ADAMTS6: variants seen among roughly 807,000 people sequenced by gnomAD.
The protein encoded by ADAMTS6 is ADAM metallopeptidase with thrombospondin type 1 motif 6, also known as A disintegrin and metalloproteinase with thrombospondin motifs 6.
Under a neutral mutation model 144.3 loss-of-function variants are expected in ADAMTS6, and 23 were observed. The ratio of observed to expected loss-of-function variants is 0.16; its 90% CI spans 0.11 to 0.23. ADAMTS6 has a LOEUF of 0.23. ADAMTS6 is among the 10% of genes least tolerant of loss of function. ADAMTS6 has a pLI of 1.00. For missense variants in ADAMTS6, 999 were observed against 1,379.6 expected (o/e 0.72, Z 4.37); for synonymous variants, 444 against 457.5 (o/e 0.97, Z 0.38).
At chr5:65,316,425 C>T (rs1316833747) in intron 9 of ADAMTS6, among the ~76,000 whole-genome samples, 1 of 151,740 alleles carries the variant, frequency 6.6e-6, no homozygotes, top group Non-Finnish European at 1.5e-5. Flanking sequence ...GAAAATGGAA[C>T]CAAAACAAAT....
intron 7 of ADAMTS6, among the ~76,000 whole-genome samples, chr5:65,403,102 C>T (rs1341281590): frequency 1.3e-5 from 2 of 152,102 alleles, no homozygotes; most frequent in Admixed American, 6.6e-5. Flanking sequence ...CTCAAACTAT[C>T]ACAGTCATCT....
At chr5:65,240,091 A>C (rs1375170368) in intron 15 of ADAMTS6, among the ~76,000 whole-genome samples, 1 of 152,222 alleles carries the variant, frequency 6.6e-6, no homozygotes, top group Non-Finnish European at 1.5e-5. Context: ...TAAAAACTAG[A>C]AACAACCCAG....
At chr5:65,285,569 C>T (rs1763296525) in intron 11 of ADAMTS6, among the ~76,000 whole-genome samples, 1 of 152,130 alleles carries the variant, frequency 6.6e-6, no homozygotes, top group Admixed American at 6.6e-5. Flanking sequence ...GAGCCAGGCA[C>T]TGTTCTAGCC....
chr5:65,447,627 C>A (rs1403144013), intron 7 of ADAMTS6, among the ~76,000 whole-genome samples: 2 of 151,978 alleles, frequency 1.3e-5, no homozygotes, highest in Non-Finnish European at 2.9e-5. Context: ...TTAATCATTT[C>A]TTGACATAGG....
intron 20 of ADAMTS6, among the ~76,000 whole-genome samples, chr5:65,201,392 C>T (rs975423987): frequency 6.6e-6 from 1 of 152,070 alleles, no homozygotes; most frequent in Admixed American, 6.6e-5. Context: ...TAGTATTTGG[C>T]AATATATTGC....
intron 3 of ADAMTS6, among the ~76,000 whole-genome samples, chr5:65,461,248 A>G (rs1224679017): frequency 2.0e-5 from 3 of 152,184 alleles, no homozygotes; most frequent in Non-Finnish European, 4.4e-5. Context: ...CTTATTTTCA[A>G]TTAATCCCAC....
intron 7 of ADAMTS6, among the ~76,000 whole-genome samples, chr5:65,404,846 G>A (rs1754298450): frequency 2.0e-5 from 3 of 152,176 alleles, no homozygotes; most frequent in Non-Finnish European, 4.4e-5. Context: ...TCTAACTGGT[G>A]TGAGATGGTA....
intron 24 of ADAMTS6, among the ~76,000 whole-genome samples, chr5:65,170,276 C>T (rs1753533846): frequency 1.3e-5 from 2 of 152,158 alleles, no homozygotes; most frequent in Non-Finnish European, 2.9e-5. Context: ...CAGAAGTTTG[C>T]ACTTCAAGAG....
chr5:65,318,923 T>A (rs975383001), intron 9 of ADAMTS6, among the ~76,000 whole-genome samples: 2 of 152,192 alleles, frequency 1.3e-5, no homozygotes, highest in South Asian at 4.1e-4. Flanking sequence ...GCTTGAGGGG[T>A]TGGATACCAA....
chr5:65,218,338 A>G (rs1048822136), intron 18 of ADAMTS6, among the ~76,000 whole-genome samples: 14 of 152,022 alleles, frequency 9.2e-5, no homozygotes, highest in African/African-American at 2.7e-4. Context: ...AAAAGGATCA[A>G]GCAGATCTAC....
intron 7 of ADAMTS6, among the ~76,000 whole-genome samples, chr5:65,443,777 A>G (rs1330527051): frequency 6.8e-6 from 1 of 147,672 alleles, no homozygotes; most frequent in Non-Finnish European, 1.5e-5. Flanking sequence ...TCCTGATTTA[A>G]AAAAAAAAAA....
chr5:65,294,833 C>G (rs188679415), intron 10 of ADAMTS6, among the ~76,000 whole-genome samples: 13 of 151,572 alleles, frequency 8.6e-5, no homozygotes, highest in Admixed American at 5.9e-4. Context: ...TCCCTCATTT[C>G]CCCCCACCCC....
chr5:65,198,826 A>T (rs953592393), intron 20 of ADAMTS6: 2 of 155,860 alleles, frequency 1.3e-5, no homozygotes, highest in Non-Finnish European at 2.9e-5. Flanking sequence ...TTATGTGACG[A>T]CAACAGTTTG....
chr5:65,407,506 A>T (rs1309307986), intron 7 of ADAMTS6, among the ~76,000 whole-genome samples: 1 of 91,536 alleles, frequency 1.1e-5, no homozygotes, highest in African/African-American at 4.4e-5. Flanking sequence ...ACCCCACAAC[A>T]GTCCCCGGTG....
intron 12 of ADAMTS6, among the ~76,000 whole-genome samples, chr5:65,266,855 GT>G (rs533647581): frequency 0.012 from 1,809 of 151,808 alleles, 20 homozygotes; most frequent in Non-Finnish European, 0.018. Context: ...TTCTCCTTTG[GT>G]AGTAGTAAAC....
At chr5:65,281,787 G>A (rs1763006426) in intron 11 of ADAMTS6, among the ~76,000 whole-genome samples, 1 of 152,092 alleles carries the variant, frequency 6.6e-6, no homozygotes, top group African/African-American at 2.4e-5. Context: ...TACCTAATAT[G>A]CAGAAAATAA....
chr5:65,456,758 C>T (rs971216533), intron 4 of ADAMTS6, among the ~76,000 whole-genome samples: 5 of 152,060 alleles, frequency 3.3e-5, no homozygotes, highest in African/African-American at 1.2e-4. Context: ...ACTTAGTTAT[C>T]TCTGGGTATT....
At chr5:65,278,690 A>T (rs918140753) in intron 11 of ADAMTS6, among the ~76,000 whole-genome samples, 2 of 152,168 alleles carry the variant, frequency 1.3e-5, no homozygotes, top group African/African-American at 4.8e-5. Context: ...TCTTACCACT[A>T]TCTTCTGAAT....
At chr5:65,204,002 AT>A (rs1233901347) in intron 20 of ADAMTS6, among the ~76,000 whole-genome samples, 1 of 152,196 alleles carries the variant, frequency 6.6e-6, no homozygotes, top group Non-Finnish European at 1.5e-5. Flanking sequence ...GAAGAATATA[AT>A]CACTAAAGCA....
Sources: allele counts gnomAD v4.1 joint callset (sites outside exome capture counted in the v4.1 genomes callset), GRCh38; gene constraint gnomAD v4.1.1; transcripts MANE v1.5; gene names NCBI Gene and HGNC (gene_info 2026-07-23, HGNC 2026-07-21).